The following CAPZA2 variants were observed in gnomAD, a reference collection of about 807,000 sequenced individuals.
The protein encoded by CAPZA2 is capping actin protein of muscle Z-line subunit alpha 2, also known as F-actin-capping protein subunit alpha-2.
Under a neutral mutation model 44.0 loss-of-function variants are expected in CAPZA2, and 13 were observed. The observed-to-expected ratio is 0.30, with a 90% CI of 0.19 to 0.47. The LOEUF (loss-of-function observed/expected upper bound fraction) is 0.47, where lower values mean the gene tolerates loss of function less well. Ranked by LOEUF, CAPZA2 falls within the 20% of genes least tolerant of loss-of-function variation. CAPZA2 has a pLI of 1.00. For synonymous variants in CAPZA2, 94 were observed against 108.2 expected, an observed-to-expected ratio of 0.87 and a Z score of 0.81; for missense variants, 244 against 338.6, an observed-to-expected ratio of 0.72 and a Z score of 2.19.
At chr7:116,896,104 A>T (rs1037646185) in intron 3 of CAPZA2, among the ~76,000 whole-genome samples, 2 of 152,064 alleles carry the variant, frequency 1.3e-5, no homozygotes, top group African/African-American at 4.8e-5. Flanking sequence ...ATACAAATAC[A>T]TCTTTCCCAC....
At chr7:116,902,390 C>G (rs1051729909) in intron 4 of CAPZA2, among the ~76,000 whole-genome samples, 3 of 151,982 alleles carry the variant, frequency 2.0e-5, no homozygotes, top group Non-Finnish European at 4.4e-5. Flanking sequence ...GAAAAAGACA[C>G]CAGATAAAAA....
rs1033827369 is a variant in CAPZA2 at position 116,919,118 on chromosome 7, C to G, written c.*1251C>G. The G allele has an allele frequency of 2.7e-5, 4 of 150,928 alleles. No individual in the cohort carries two copies. Among genetic ancestry groups the G allele is most frequent in the African/African-American group, 9.8e-5 (4 of 41,016 alleles). 9.3% of individuals were successfully genotyped at this position (150,928 alleles called of 1,614,324 possible). On this transcript the variant is annotated 3_prime_UTR_variant, in exon 10 of 10. Transcript: ENST00000361183. The stretch of plus-strand genomic sequence containing the variant: ...ATTGTTTTTTTTTTTAGAAAAACAC[C>G]ACTTTTATTATGTACAATAAAATAT...
rs920873283 is a variant in CAPZA2 at position 116,918,725 on chromosome 7, T to G, written c.*858T>G. The stretch of plus-strand genomic sequence containing the variant: ...TTCAATGTGACATTAAAATGCAAAT[T>G]TTCCTATTTATTTGAGTAGAAAATC... On this transcript the variant is annotated 3_prime_UTR_variant, in exon 10 of 10. Transcript: ENST00000361183. The G allele has an allele frequency of 3.3e-5, 5 of 152,232 alleles. No homozygotes were observed. Among genetic ancestry groups the G allele is most frequent in the Non-Finnish European group, 7.4e-5 (5 of 68,016 alleles). 9.4% of individuals were successfully genotyped at this position (152,232 alleles called of 1,614,324 possible). A position where few individuals can be genotyped will look rare whatever the true frequency, so the allele number is the denominator to read the frequency against.
intron 1 of CAPZA2, among the ~76,000 whole-genome samples, chr7:116,876,674 A>G (rs181837680): frequency 3.3e-4 from 50 of 152,322 alleles, no homozygotes; most frequent in Non-Finnish European, 5.6e-4. Flanking sequence ...GGTAAGTGAG[A>G]TCTTGTTTTA....
chr7:116,881,377 G>C (rs552973981), intron 1 of CAPZA2, among the ~76,000 whole-genome samples: 2 of 152,224 alleles, frequency 1.3e-5, no homozygotes, highest in East Asian at 3.9e-4. Context: ...CCTCAGAGTA[G>C]AGAAGGAATT....
In CAPZA2 at chr7:116,897,217, T is replaced by A. The variant is rs1453428892; in HGVS notation, c.156-1555T>A. 2.0e-5 allele frequency among the ~76,000 whole-genome samples: 3 copies of A among 152,166 alleles called. No individual in the cohort carries two copies. In the South Asian group the frequency reaches 6.2e-4, roughly 31 times the overall value. On this transcript the variant is annotated intron_variant, in intron 3 of 9. Coordinates refer to ENST00000361183, the MANE Select transcript of CAPZA2 (RefSeq NM_006136.3). Reference sequence around the variant, plus strand: ...TGGAAAATGAATCCAAAATTCTAATTGACTTGGTTTTAAACATACTTTTGG... The same window carrying A: ...TGGAAAATGAATCCAAAATTCTAATAGACTTGGTTTTAAACATACTTTTGG...
chr7:116,914,392 T>C (rs1791647994), intron 8 of CAPZA2, among the ~76,000 whole-genome samples: 2 of 151,474 alleles, frequency 1.3e-5, no homozygotes, highest in South Asian at 2.1e-4. Flanking sequence ...TTAAGACAGA[T>C]GCTACCTAAG....
At chr7:116,892,306 T>C (rs932927912) in intron 2 of CAPZA2, among the ~76,000 whole-genome samples, 8 of 152,168 alleles carry the variant, frequency 5.3e-5, no homozygotes, top group Non-Finnish European at 1.2e-4. Context: ...AATAGCCAGG[T>C]GCTTAGGAAA....
Position 116,898,755 on chromosome 7 carries a change from C to A in CAPZA2, c.156-17C>A. ...TAAATATATAATTTTAAGTAATTGCCATTTTCTTTTTTTTAGTGCATTTGC... is the reference window on the plus strand; with the variant it reads ...TAAATATATAATTTTAAGTAATTGCAATTTTCTTTTTTTTAGTGCATTTGC... On this transcript the variant is annotated splice_polypyrimidine_tract_variant and intron_variant, in intron 3 of 9. Coordinates refer to ENST00000361183, the MANE Select transcript of CAPZA2 (RefSeq NM_006136.3). 1 of 1,522,184 alleles carries A rather than the reference C, an allele frequency of 6.6e-7. No homozygotes were observed. Among genetic ancestry groups the A allele is most frequent in the South Asian group, 1.2e-5 (1 of 81,046 alleles). 94.3% of individuals were successfully genotyped at this position (1,522,184 alleles called of 1,614,324 possible).
At chr7:116,892,086 TTATTA>T (rs1796853554) in intron 2 of CAPZA2, among the ~76,000 whole-genome samples, 1 of 152,204 alleles carries the variant, frequency 6.6e-6, no homozygotes, top group Non-Finnish European at 1.5e-5. Flanking sequence ...CTCTTCCTGT[TTATTA>T]TATTACAAAT....
At chr7:116,901,537 G>A (rs1291810747) in intron 4 of CAPZA2, among the ~76,000 whole-genome samples, 3 of 152,028 alleles carry the variant, frequency 2.0e-5, no homozygotes, top group Admixed American at 1.3e-4. Flanking sequence ...GGAGGGAGAG[G>A]ATCAGGAAAA....
intron 2 of CAPZA2, among the ~76,000 whole-genome samples, chr7:116,889,925 A>ATTCAT (rs1370029109): frequency 1.3e-5 from 2 of 152,324 alleles, no homozygotes; most frequent in African/African-American, 4.8e-5. Flanking sequence ...CTTTTTTAAT[A>ATTCAT]TTCAGGTTCT....
chr7:116,883,727 C>T (rs372847567), intron 1 of CAPZA2, among the ~76,000 whole-genome samples: 56 of 152,236 alleles, frequency 3.7e-4, no homozygotes, highest in South Asian at 8.3e-4. Flanking sequence ...CAGTACAGAT[C>T]ATTTTTGCTT....
At chr7:116,911,621 A>C (rs912142865) in intron 7 of CAPZA2, among the ~76,000 whole-genome samples, 11 of 152,198 alleles carry the variant, frequency 7.2e-5, no homozygotes, top group African/African-American at 2.4e-4. Context: ...GTCTTTTTAA[A>C]AGCCATATAA....
intron 2 of CAPZA2, among the ~76,000 whole-genome samples, chr7:116,889,585 A>T (rs1796804955): frequency 6.6e-6 from 1 of 152,072 alleles, no homozygotes; most frequent in African/African-American, 2.4e-5. Context: ...AAAAAAAGAT[A>T]TAATGGAATC....
intron 9 of CAPZA2, among the ~76,000 whole-genome samples, chr7:116,916,408 A>T (rs1442828844): frequency 1.3e-5 from 2 of 152,240 alleles, no homozygotes; most frequent in Non-Finnish European, 2.9e-5. Context: ...GTGGATCACG[A>T]GGTCAAGAGA....
At chr7:116,879,636 C>T (rs1177506346) in intron 1 of CAPZA2, among the ~76,000 whole-genome samples, 2 of 152,126 alleles carry the variant, frequency 1.3e-5, no homozygotes, top group Non-Finnish European at 2.9e-5. Flanking sequence ...TGCTGCTGAT[C>T]TGACAGGAGA....
chr7:116,909,581 T>TA (rs1239125428), intron 6 of CAPZA2, among the ~76,000 whole-genome samples: 301 of 141,688 alleles, frequency 2.1e-3, no homozygotes, highest in Middle Eastern at 3.6e-3. Flanking sequence ...ATTGGAAAAC[T>TA]AAAAAAAAAA....
intron 1 of CAPZA2, among the ~76,000 whole-genome samples, chr7:116,883,394 G>GT (rs1796724047): frequency 6.6e-6 from 1 of 152,154 alleles, no homozygotes; most frequent in South Asian, 2.1e-4. Flanking sequence ...CTGGATGGTT[G>GT]AACAATATCT....
Sources: allele counts gnomAD v4.1 joint callset (sites outside exome capture counted in the v4.1 genomes callset), GRCh38; gene constraint gnomAD v4.1.1; transcripts MANE v1.5; gene names NCBI Gene and HGNC (gene_info 2026-07-23, HGNC 2026-07-21).